Variants in TAFA1 observed in about 807,000 individuals in gnomAD.
TAFA1 encodes chemokine-like protein TAFA-1.
A neutral mutation model predicts 18.5 loss-of-function variants in TAFA1; 4 were observed. The observed-to-expected ratio is 0.22, with a 90% CI of 0.11 to 0.49. The LOEUF (loss-of-function observed/expected upper bound fraction) is 0.49, where lower values mean the gene tolerates loss of function less well. TAFA1 is among the 20% of genes least tolerant of loss of function. The pLI is 0.98. For synonymous variants in TAFA1, 56 were observed against 55.2 expected (o/e 1.01, Z -0.06); for missense variants, 147 against 169.0 (o/e 0.87, Z 0.72).
chr3:68,146,273 C>G (rs1296683639), intron 2 of TAFA1, among the ~76,000 whole-genome samples: 2 of 152,178 alleles, frequency 1.3e-5, no homozygotes, highest in Non-Finnish European at 2.9e-5. Context: ...CCCAGGGGTT[C>G]TGTTGAGGCT....
intron 2 of TAFA1, among the ~76,000 whole-genome samples, chr3:68,158,077 C>G (rs1281459876): frequency 1.3e-5 from 2 of 152,116 alleles, no homozygotes; most frequent in East Asian, 3.9e-4. Context: ...CTTACAAAAT[C>G]TGCCCCTGGA....
At chr3:68,290,898 TAAA>T (rs199858808) in intron 2 of TAFA1, among the ~76,000 whole-genome samples, 5,893 of 147,064 alleles carry the variant, frequency 0.04, 198 homozygotes, top group East Asian at 0.15. Flanking sequence ...ATCCTTTTCT[TAAA>T]AAAAAAAAAA....
intron 2 of TAFA1, among the ~76,000 whole-genome samples, chr3:68,062,245 G>C (rs2064614200): frequency 6.6e-6 from 1 of 152,128 alleles, no homozygotes; most frequent in Non-Finnish European, 1.5e-5. Context: ...AACAGGGGAT[G>C]GTGAGGACTG....
intron 2 of TAFA1, among the ~76,000 whole-genome samples, chr3:68,008,662 A>G (rs903040719): frequency 6.6e-6 from 1 of 152,202 alleles, no homozygotes; most frequent in Non-Finnish European, 1.5e-5. Context: ...CCGAGTGACC[A>G]TGCCAAATAG....
intron 2 of TAFA1, among the ~76,000 whole-genome samples, chr3:68,105,252 G>A (rs914827950): frequency 4.6e-5 from 7 of 152,092 alleles, no homozygotes; most frequent in African/African-American, 1.7e-4. Context: ...GAGATTTGGA[G>A]GGGACATTCA....
At chr3:68,169,011 T>A (rs1257997814) in intron 2 of TAFA1, among the ~76,000 whole-genome samples, 1 of 152,234 alleles carries the variant, frequency 6.6e-6, no homozygotes. Flanking sequence ...GGAATGGTCA[T>A]ATTTATAAGT....
At chr3:68,435,650 T>G (rs932033077) in intron 3 of TAFA1, among the ~76,000 whole-genome samples, 1 of 152,192 alleles carries the variant, frequency 6.6e-6, no homozygotes, top group Non-Finnish European at 1.5e-5. Context: ...CATCACAGTT[T>G]TGCTGGCAAA....
rs370140280 is a variant in TAFA1, at chr3:68,441,550, T to G, written c.259+24130T>G. ...ACTGCCTATCATGAACTGGGTACTT[T>G]CTGACCCATCTAGCCATAAAGTGGG... On this transcript the variant is annotated intron_variant, in intron 3 of 4. Transcript: ENST00000478136. Among the ~76,000 whole-genome samples the G allele has an allele frequency of 4.1e-4, 63 of 152,294 alleles. 1 individual carries two copies. Among genetic ancestry groups the G allele is most frequent in the African/African-American group, 1.5e-3 (61 of 41,566 alleles).
At chr3:68,498,414 G>C (rs570997357) in intron 3 of TAFA1, among the ~76,000 whole-genome samples, 2 of 152,214 alleles carry the variant, frequency 1.3e-5, no homozygotes, top group East Asian at 1.9e-4. Flanking sequence ...GAGATTAAAC[G>C]TAAGCTGGGG....
chr3:68,177,734 T>G (rs2066143139), intron 2 of TAFA1, among the ~76,000 whole-genome samples: 1 of 152,238 alleles, frequency 6.6e-6, no homozygotes, highest in African/African-American at 2.4e-5. Context: ...TTCCTACTCC[T>G]TTTATAATCT....
chr3:68,314,835 T>C (rs1433015430), intron 2 of TAFA1, among the ~76,000 whole-genome samples: 2 of 151,624 alleles, frequency 1.3e-5, no homozygotes, highest in African/African-American at 4.8e-5. Flanking sequence ...AGGTCCATAG[T>C]TTGAGAAAGT....
At chr3:68,102,009 T>A (rs1458102070) in intron 2 of TAFA1, among the ~76,000 whole-genome samples, 5 of 152,172 alleles carry the variant, frequency 3.3e-5, no homozygotes, top group Non-Finnish European at 7.4e-5. Flanking sequence ...ACCAATTTTT[T>A]AATCAAGTGT....
upstream of TAFA1, among the ~76,000 whole-genome samples, chr3:68,000,288 T>C (rs1397360035): frequency 6.6e-6 from 1 of 152,196 alleles, no homozygotes; most frequent in Non-Finnish European, 1.5e-5. Flanking sequence ...ATGGTGATTG[T>C]TATAAGGAGA....
intron 3 of TAFA1, among the ~76,000 whole-genome samples, chr3:68,455,970 T>C (rs1220034192): frequency 2.0e-5 from 3 of 152,192 alleles, no homozygotes; most frequent in Non-Finnish European, 4.4e-5. Flanking sequence ...TTGAATTAAA[T>C]ACATGGTGTT....
chr3:68,530,699 A>G (rs2073176155), intron 3 of TAFA1, among the ~76,000 whole-genome samples: 1 of 152,160 alleles, frequency 6.6e-6, no homozygotes, highest in Non-Finnish European at 1.5e-5. Flanking sequence ...GGCTTCGAAA[A>G]TGGTTCACTT....
At chr3:68,396,229 T>A (rs1286271069) in intron 2 of TAFA1, among the ~76,000 whole-genome samples, 1 of 152,098 alleles carries the variant, frequency 6.6e-6, no homozygotes, top group Non-Finnish European at 1.5e-5. Flanking sequence ...TTTTAAAAAT[T>A]GAAATGTAAT....
At chr3:68,150,023 T>G (rs1425802312) in intron 2 of TAFA1, among the ~76,000 whole-genome samples, 1 of 152,202 alleles carries the variant, frequency 6.6e-6, no homozygotes, top group East Asian at 1.9e-4. Context: ...CAAGGTCTCT[T>G]GTGCTGAGAG....
At chr3:68,456,079 C>T (rs1363331874) in intron 3 of TAFA1, among the ~76,000 whole-genome samples, 2 of 152,064 alleles carry the variant, frequency 1.3e-5, no homozygotes, top group Non-Finnish European at 2.9e-5. Flanking sequence ...CTTTAAAAGG[C>T]AATTATTTAC....
intron 2 of TAFA1, among the ~76,000 whole-genome samples, chr3:68,168,170 A>T (rs974786669): frequency 7.4e-6 from 1 of 135,160 alleles, no homozygotes; most frequent in African/African-American, 2.6e-5. Flanking sequence ...AGAAGGCTTG[A>T]TTTGTTTTGC....
Sources: allele counts gnomAD v4.1 joint callset (sites outside exome capture counted in the v4.1 genomes callset), GRCh38; gene constraint gnomAD v4.1.1; transcripts MANE v1.5; gene names NCBI Gene and HGNC (gene_info 2026-07-23, HGNC 2026-07-21).